The following RASAL1 variants were observed in gnomAD, a reference collection of about 807,000 sequenced individuals.
The protein encoded by RASAL1 is rasGAP-activating-like protein 1.
A neutral mutation model predicts 96.6 loss-of-function variants in RASAL1; 72 were observed. The observed-to-expected ratio is 0.75, with a 90% CI of 0.62 to 0.91. The LOEUF (loss-of-function observed/expected upper bound fraction) is 0.91. Among genes scored for constraint, RASAL1 ranks in the 40% least tolerant of loss-of-function variants. The probability of loss-of-function intolerance (pLI) is 0.00; values close to 1 mark genes in which losing one functional copy is unlikely to be tolerated. For synonymous variants in RASAL1, 405 were observed against 430.4 expected (o/e 0.94, Z 0.73); for missense variants, 1,016 against 1,072.5 (o/e 0.95, Z 0.74).
chr12:113,136,146 A>C (rs1367077191), upstream of RASAL1: 2 of 152,226 alleles, frequency 1.3e-5, no homozygotes, highest in Non-Finnish European at 2.9e-5. Context: ...GCGTCGCCAG[A>C]GAGAGGGTCG....
chr12:113,131,968 CTTT>C (rs34936583), intron 1 of RASAL1, among the ~76,000 whole-genome samples: 34 of 118,728 alleles, frequency 2.9e-4, no homozygotes, highest in Admixed American at 4.3e-4. Context: ...TCTTCTTCTT[CTTT>C]TTTTTTTTTT....
chr12:113,111,558 T>C (rs771204244), intron 13 of RASAL1, among the ~76,000 whole-genome samples: 3 of 152,076 alleles, frequency 2.0e-5, no homozygotes, highest in African/African-American at 7.2e-5. Flanking sequence ...TCAGGCTACA[T>C]AGAGTGTTAG....
In RASAL1 at chr12:113,124,649, G is replaced by C. The variant is rs534178782; in HGVS notation, c.299-3011C>G. Among the ~76,000 whole-genome samples the C allele has an allele frequency of 1.2e-4, 19 of 152,268 alleles. 1 individual carries two copies. The South Asian group carries it at 3.9e-3, about 32-fold the overall frequency. On this transcript the variant is annotated intron_variant, in intron 4 of 20. Transcript: ENST00000548055. ...TCTGATTTCTGAACCTTCTAGAAGG[G>C]GGAAGTCACCTCCCCTCTCTATGCC...
intron 2 of RASAL1, among the ~76,000 whole-genome samples, chr12:113,128,934 T>C (rs959226944): frequency 6.7e-6 from 1 of 148,852 alleles, no homozygotes; most frequent in Non-Finnish European, 1.5e-5. Flanking sequence ...CAGGTACACA[T>C]AGAGACACAC....
In RASAL1 at chr12:113,130,726, G is replaced by A. The variant is rs113003385; in HGVS notation, c.122+159C>T. The stretch of plus-strand genomic sequence containing the variant: ...GGAAGGCAGGGCTGGTCGGGGAGAG[G>A]AGCTGGCAGTCCCAGCTGGACACAA... On this transcript the variant is annotated intron_variant, in intron 2 of 20. Transcript: ENST00000548055. This position sits in a 1 kb window ranked among gnomAD's most constrained non-coding sequence, Gnocchi z 5.1. Among the ~76,000 whole-genome samples the A allele has an allele frequency of 0.043, 6,612 of 152,238 alleles. 231 individuals carry two copies. Among genetic ancestry groups the A allele is most frequent in the Middle Eastern group, 0.075 (22 of 294 alleles).
At chr12:113,103,166 G>T in intron 18 of RASAL1, 1 of 157,186 alleles carries the variant, frequency 6.4e-6, no homozygotes, top group Non-Finnish European at 1.4e-5. Flanking sequence ...TAATAACAAT[G>T]TCATTATTTT....
At chr12:113,118,772 C>T (rs542796016) in intron 7 of RASAL1, among the ~76,000 whole-genome samples, 4 of 152,268 alleles carry the variant, frequency 2.6e-5, no homozygotes, top group East Asian at 1.9e-4. Context: ...CTGTAAAATG[C>T]GGATAGCAAC....
In RASAL1 at chr12:113,117,228, T is replaced by C. The variant is rs1374196735; in HGVS notation, c.643-67A>G. 2.4e-6 allele frequency: 3 copies of C among 1,239,132 alleles called. No homozygotes were observed. In the African/African-American group the frequency reaches 4.6e-5, roughly 19 times the overall value. 76.8% of individuals were successfully genotyped at this position (1,239,132 alleles called of 1,614,324 possible). A position where few individuals can be genotyped will look rare whatever the true frequency, so the allele number is the denominator to read the frequency against. ...TGCCCTGCCCTGCCTGGCTCAGGTCTCACCTAGCCCTGGAAGAACAGACTG... is the reference window on the plus strand; with the variant it reads ...TGCCCTGCCCTGCCTGGCTCAGGTCCCACCTAGCCCTGGAAGAACAGACTG... On this transcript the variant is annotated intron_variant, in intron 7 of 20. Coordinates refer to ENST00000548055, the MANE Select transcript of RASAL1 (RefSeq NM_001301202.2).
At chr12:113,116,097 C>G (rs377187984) in intron 8 of RASAL1, 46 bp from the exon 9 acceptor site, 1 of 1,475,332 alleles carries the variant, frequency 6.8e-7, no homozygotes, top group Admixed American at 2.2e-5. Context: ...TGGCCGAACA[C>G]GATGGCTCAC....
chr12:113,107,987 CT>C, intron 14 of RASAL1, 97 bp downstream of exon 14: 2 of 1,409,956 alleles, frequency 1.4e-6, no homozygotes, highest in East Asian at 2.5e-5. Context: ...TTCGGATGTT[CT>C]TTGGGTCTTC....
chr12:113,112,521 G>A (rs1437271589), intron 12 of RASAL1, among the ~76,000 whole-genome samples: 2 of 152,046 alleles, frequency 1.3e-5, no homozygotes, highest in African/African-American at 2.4e-5. Context: ...TTAAATCTCC[G>A]CAACACTCCC....
intron 4 of RASAL1, among the ~76,000 whole-genome samples, chr12:113,127,120 C>T: frequency 6.6e-6 from 1 of 151,520 alleles, no homozygotes; most frequent in East Asian, 1.9e-4. Context: ...GACTCCTGGG[C>T]TCAAGCGATC....
intron 15 of RASAL1, among the ~76,000 whole-genome samples, chr12:113,106,379 A>G (rs1337530973): frequency 6.6e-6 from 1 of 152,204 alleles, no homozygotes; most frequent in African/African-American, 2.4e-5. Context: ...TTCCTGCTAC[A>G]AATCATCCTG....
chr12:113,136,354 C>T (rs888433465), upstream of RASAL1: 1 of 152,158 alleles, frequency 6.6e-6, no homozygotes, highest in African/African-American at 2.4e-5. Context: ...AAAAAGTCAT[C>T]TACAGTTGTT....
In RASAL1 at chr12:113,099,733, G is replaced by T; in HGVS notation, c.*196C>A. The T allele has an allele frequency of 1.4e-6, 1 of 693,588 alleles. No individual in the cohort carries two copies. The highest frequency in any genetic ancestry group is 2.3e-6 in the Non-Finnish European group (1 of 436,022). The allele number at this position is 693,588 out of a possible 1,614,324, so 43.0% of individuals were successfully genotyped here. ...AGCCAGAGGGCAAGTTTCACTCAGT[G>T]CAAGGCTGGCCCCTGCCAAAGGGCT... On this transcript the variant is annotated 3_prime_UTR_variant, in exon 21 of 21. Coordinates refer to ENST00000548055, the MANE Select transcript of RASAL1 (RefSeq NM_001301202.2).
At chr12:113,124,126 G>A (rs189004808) in intron 4 of RASAL1, among the ~76,000 whole-genome samples, 1 of 150,624 alleles carries the variant, frequency 6.6e-6, no homozygotes, top group East Asian at 2.0e-4. Context: ...GCTGAGGCAT[G>A]AGAATCGCTT....
chr12:113,116,046 T>C lies in RASAL1; in HGVS notation c.737A>G (p.Asn246Ser), dbSNP rs777101668. ...TACCTTCACTCGCAGGGCACCCAGG[T>C]TCCCCCTGTCCAGGATCAGATCATA... ...FPRAEEDSGG[N>S]LGALRVKVRL... The change falls in exon 9 of 21, where the codon AAC becomes AGC. Residue 246 changes from asparagine to serine, a missense_variant. By Grantham distance (46) the Asn-to-Ser change is conservative (BLOSUM62 1). Coordinates refer to ENST00000548055, the MANE Select transcript of RASAL1 (RefSeq NM_001301202.2). 2.5e-6 allele frequency: 4 copies of C among 1,584,942 alleles called. No individual in the cohort carries two copies. The highest frequency in any genetic ancestry group is 2.3e-5 in the South Asian group (2 of 86,378).
intron 4 of RASAL1, among the ~76,000 whole-genome samples, chr12:113,123,446 G>A (rs1951367346): frequency 6.6e-6 from 1 of 152,206 alleles, no homozygotes; most frequent in African/African-American, 2.4e-5. Flanking sequence ...TTCTCATGTT[G>A]AGTAACATCC....
At chr12:113,136,440 C>T (rs1951917458), upstream of RASAL1, among the ~76,000 whole-genome samples, 2 of 152,210 alleles carry the variant, frequency 1.3e-5, no homozygotes, top group South Asian at 2.1e-4. Flanking sequence ...CAGATGTGCA[C>T]TACACACTAC....
Sources: gnomAD v4.1 joint callset for allele counts (sites outside exome capture counted in the v4.1 genomes callset) on GRCh38, gnomAD v4.1.1 for gene constraint, Gnocchi (gnomAD v3.1) non-coding constraint, MANE v1.5 for transcripts, NCBI Gene and HGNC (gene_info 2026-07-23, HGNC 2026-07-21) for gene names.